Variants in PDS5B observed in about 807,000 individuals in gnomAD.
The protein encoded by PDS5B is PDS5 cohesin associated factor B.
In PDS5B, 51 loss-of-function variants were observed where a neutral mutation model predicts 184.1. The observed-to-expected ratio is 0.28, with a 90% CI of 0.22 to 0.35. The LOEUF (loss-of-function observed/expected upper bound fraction) is 0.35, where lower values mean the gene tolerates loss of function less well. Ranked by LOEUF, PDS5B falls within the 10% of genes least tolerant of loss-of-function variation. The probability of loss-of-function intolerance (pLI) is 1.00; values close to 1 mark genes in which losing one functional copy is unlikely to be tolerated. For missense variants in PDS5B, 1,180 were observed against 1,723.3 expected, an observed-to-expected ratio of 0.68 and a Z score of 5.58; for synonymous variants, 566 against 569.2, an observed-to-expected ratio of 0.99 and a Z score of 0.08.
rs149741411 is a variant in PDS5B at position 32,741,238 on chromosome 13, T to C, written c.2475+90T>C. On this transcript the variant is annotated intron_variant, in intron 22 of 34. Coordinates refer to ENST00000315596, the MANE Select transcript of PDS5B (RefSeq NM_015032.4). ...AAAATTTCTATTTCTATTGGAAAGA[T>C]ATTAAAGTCACTCAAGTATTTACAT... is the stretch of plus-strand genomic sequence containing the variant. The C allele has an allele frequency of 5.0e-3, 3,636 of 725,774 alleles. 10 individuals are homozygous for C. Among genetic ancestry groups the C allele is most frequent in the Non-Finnish European group, 6.5e-3 (2,752 of 426,246 alleles). The allele number at this position is 725,774 out of a possible 1,614,324, so 45.0% of individuals were successfully genotyped here.
intron 18 of PDS5B, among the ~76,000 whole-genome samples, chr13:32,707,740 C>T (rs1593474554): frequency 6.8e-6 from 1 of 147,640 alleles, no homozygotes; most frequent in Non-Finnish European, 1.5e-5. Flanking sequence ...TTGCAAAGGA[C>T]GTTAAAGCTT....
chr13:32,768,153 A>G (rs1211486196), intron 31 of PDS5B, among the ~76,000 whole-genome samples: 1 of 152,212 alleles, frequency 6.6e-6, no homozygotes, highest in Non-Finnish European at 1.5e-5. Flanking sequence ...AGCTTAAACA[A>G]CAGAACTATA....
At position 32,588,344 on chromosome 13, in the gene PDS5B, TAAG is replaced by T. The variant is rs547930893; in HGVS notation, c.-20+1754_-20+1756del. On this transcript the variant is annotated intron_variant, in intron 1 of 34. Coordinates refer to ENST00000315596, the MANE Select transcript of PDS5B (RefSeq NM_015032.4). The stretch of plus-strand genomic sequence containing the variant: ...GAAACTTAACTGTAAAAACACATCT[TAAG>T]AACATTATTCCTTATAAATAAAATT... Among the ~76,000 whole-genome samples, 394 of 152,366 alleles carry T rather than the reference TAAG, an allele frequency of 2.6e-3. 3 individuals carry two copies. Among genetic ancestry groups the T allele is most frequent in the South Asian group, 7.7e-3 (37 of 4,828 alleles).
In PDS5B at chr13:32,773,071, A is replaced by G. The variant is rs76930016; in HGVS notation, c.4173-118A>G. On this transcript the variant is annotated intron_variant, in intron 33 of 34. Coordinates refer to ENST00000315596, the MANE Select transcript of PDS5B (RefSeq NM_015032.4). The stretch of plus-strand genomic sequence containing the variant: ...AATATTAAAGAAATGTTCTTGTCTC[A>G]TAAAGTAACTGAGGGTAAAGATGAT... The G allele has an allele frequency of 3.4e-3, 2,627 of 782,308 alleles. 47 individuals carry two copies. In the African/African-American group the frequency reaches 0.041, roughly 12 times the overall value. The allele number at this position is 782,308 out of a possible 1,614,324, so 48.5% of individuals were successfully genotyped here.
At chr13:32,599,942 G>T (rs1204610538) in intron 1 of PDS5B, among the ~76,000 whole-genome samples, 1 of 151,792 alleles carries the variant, frequency 6.6e-6, no homozygotes, top group African/African-American at 2.4e-5. Flanking sequence ...AACCTTTTCT[G>T]CCCCATTCCT....
intron 27 of PDS5B, 29 bp downstream of exon 27, chr13:32,758,248 T>C: frequency 6.9e-7 from 1 of 1,457,196 alleles, no homozygotes; most frequent in Non-Finnish European, 9.2e-7. Flanking sequence ...ATAATTATGG[T>C]TCCATATTGA....
Position 32,768,867 on chromosome 13 carries a change from C to T in PDS5B, c.3625-1254C>T, listed in dbSNP as rs535499512. On this transcript the variant is annotated intron_variant, in intron 31 of 34. Transcript: ENST00000315596. ...CTGTAATCCCAGCACTTTGGGAGGC[C>T]GAGGCGGGCGGATCACAAGGTCAGG... 4.1e-4 allele frequency among the ~76,000 whole-genome samples: 59 copies of T among 144,604 alleles called. 1 individual carries two copies. The East Asian group carries it at 8.1e-3, about 20-fold the overall frequency. 94.9% of individuals were successfully genotyped at this position (144,604 alleles called of 152,430 possible). A position where few individuals can be genotyped will look rare whatever the true frequency, so the allele number is the denominator to read the frequency against.
chr13:32,664,652 T>C (rs1250290913), intron 6 of PDS5B, among the ~76,000 whole-genome samples: 4 of 152,016 alleles, frequency 2.6e-5, no homozygotes, highest in Admixed American at 1.3e-4. Flanking sequence ...TCACTTGAGC[T>C]CAGGAGTTTG....
chr13:32,669,300 G>C (rs1950874553), intron 7 of PDS5B, among the ~76,000 whole-genome samples: 1 of 150,848 alleles, frequency 6.6e-6, no homozygotes, highest in African/African-American at 2.4e-5. Context: ...TTTTTTTTTG[G>C]AGGGGAGGGG....
chr13:32,613,821 G>A (rs1230383650), intron 1 of PDS5B, among the ~76,000 whole-genome samples: 1 of 152,160 alleles, frequency 6.6e-6, no homozygotes, highest in Non-Finnish European at 1.5e-5. Flanking sequence ...ATCTAGGGTT[G>A]TAAGGATTTA....
intron 10 of PDS5B, 56 bp from the exon 11 acceptor site, chr13:32,683,822 T>C: frequency 8.2e-7 from 1 of 1,218,128 alleles, no homozygotes; most frequent in Non-Finnish European, 1.2e-6. Context: ...TCATGCAGTG[T>C]TTTAAAAATA....
At chr13:32,613,280 G>A (rs191922640) in intron 1 of PDS5B, among the ~76,000 whole-genome samples, 25 of 152,274 alleles carry the variant, frequency 1.6e-4, no homozygotes, top group African/African-American at 5.3e-4. Context: ...GGATCACATG[G>A]TAGTTCCATG....
rs1278384947 is a variant in PDS5B at position 32,624,038 on chromosome 13, T to TA, written c.-19-24705dup. Among the ~76,000 whole-genome samples the TA allele has an allele frequency of 1.4e-3, 206 of 149,776 alleles. 2 individuals carry two copies. Among genetic ancestry groups the TA allele is most frequent in the Admixed American group, 4.8e-3 (72 of 15,004 alleles). ...TGTTGGCCAAGCTATTCCTTTTTTT[T>TA]AAAAAAAAAAATTGTTACACTTGAA... On this transcript the variant is annotated intron_variant, in intron 1 of 34. Transcript: ENST00000315596.
At position 32,692,413 on chromosome 13, in the gene PDS5B, GCC is replaced by G. The variant is rs771204434; in HGVS notation, c.1470-1809_1470-1808del. Among the ~76,000 whole-genome samples the G allele has an allele frequency of 6.4e-4, 27 of 42,416 alleles. 5 individuals carry two copies. The highest frequency in any genetic ancestry group is 6.8e-4 in the African/African-American group (9 of 13,210). The allele number at this position is 42,416 out of a possible 152,430, so 27.8% of individuals were successfully genotyped here. The stretch of plus-strand genomic sequence containing the variant: ...TATTAAACAAGTTTGCGTCCAAAAA[GCC>G]TTTTTTTTTTTTTTTTTTTTTTTTT... On this transcript the variant is annotated intron_variant, in intron 13 of 34. Coordinates refer to ENST00000315596, the MANE Select transcript of PDS5B (RefSeq NM_015032.4).
intron 11 of PDS5B, among the ~76,000 whole-genome samples, chr13:32,686,741 C>T (rs1340247535): frequency 6.6e-6 from 1 of 152,182 alleles, no homozygotes; most frequent in Non-Finnish European, 1.5e-5. Context: ...GCTGTGATTG[C>T]ACCACTTCAC....
chr13:32,739,835 T>C (rs1046933354), intron 21 of PDS5B, among the ~76,000 whole-genome samples: 1 of 152,292 alleles, frequency 6.6e-6, no homozygotes, highest in Non-Finnish European at 1.5e-5. Context: ...GCTTTTCATC[T>C]TGACTGGTAT....
rs1426767043 is a variant in PDS5B at position 32,631,542 on chromosome 13, A to G, written c.-19-17212A>G. ...TTCCCCAGTCAACAGTACCTGGGAT[A>G]TAATAGGTGCTCAATAAATATTTGT... is the stretch of plus-strand genomic sequence containing the variant. On this transcript the variant is annotated intron_variant, in intron 1 of 34. Transcript: ENST00000315596. Among the ~76,000 whole-genome samples the G allele has an allele frequency of 3.3e-5, 5 of 152,208 alleles. No homozygotes were observed. The East Asian group carries it at 9.6e-4, about 29-fold the overall frequency.
At chr13:32,629,065 C>T (rs114249794) in intron 1 of PDS5B, among the ~76,000 whole-genome samples, 317 of 152,206 alleles carry the variant, frequency 2.1e-3, no homozygotes, top group African/African-American at 7.3e-3. Context: ...GACAGATCAC[C>T]GGTTTTCAAA....
chr13:32,775,561 T>C lies in PDS5B; in HGVS notation c.*509T>C. Reference sequence around the variant, plus strand: ...CACTATTTGTTGGAGAGTTAAATGGTCTCTTCCCTTTGTGTATCTTACCTA... The same window carrying C: ...CACTATTTGTTGGAGAGTTAAATGGCCTCTTCCCTTTGTGTATCTTACCTA... On this transcript the variant is annotated 3_prime_UTR_variant, in exon 35 of 35. Transcript: ENST00000315596. The C allele has an allele frequency of 4.7e-6, 2 of 426,010 alleles. No homozygotes were observed. Among genetic ancestry groups the C allele is most frequent in the South Asian group, 3.4e-5 (2 of 58,964 alleles). 26.4% of individuals were successfully genotyped at this position (426,010 alleles called of 1,614,324 possible). A position where few individuals can be genotyped will look rare whatever the true frequency, so the allele number is the denominator to read the frequency against.
Sources: allele counts gnomAD v4.1 joint callset (sites outside exome capture counted in the v4.1 genomes callset), GRCh38; gene constraint gnomAD v4.1.1; transcripts MANE v1.5; gene names NCBI Gene and HGNC (gene_info 2026-07-23, HGNC 2026-07-21).